Variants in PDIA6 observed in about 807,000 individuals in gnomAD.
The protein encoded by PDIA6 is protein disulfide isomerase family A member 6, also known as protein disulfide-isomerase A6.
PDIA6 carries 29 observed loss-of-function variants against 58.4 expected under a neutral mutation model. The ratio of observed to expected loss-of-function variants is 0.50; its 90% CI spans 0.37 to 0.68. The LOEUF (loss-of-function observed/expected upper bound fraction) is 0.68, where lower values mean the gene tolerates loss of function less well. Among genes scored for constraint, PDIA6 ranks in the 30% least tolerant of loss-of-function variants. PDIA6 has a pLI of 0.00. For missense variants in PDIA6, 480 were observed against 551.0 expected (o/e 0.87, Z 1.29); for synonymous variants, 192 against 202.6 (o/e 0.95, Z 0.44).
At chr2:10,784,566 C>T (rs1054767171) in intron 12 of PDIA6, 2 of 523,376 alleles carry the variant, frequency 3.8e-6, no homozygotes, top group Admixed American at 3.7e-5. Flanking sequence ...GCCACTTGAA[C>T]GTGTCCTTTT....
intron 1 of PDIA6, among the ~76,000 whole-genome samples, chr2:10,806,254 G>T (rs1283165634): frequency 6.6e-6 from 1 of 150,826 alleles, no homozygotes; most frequent in Non-Finnish European, 1.5e-5. Context: ...TATAGTCCTA[G>T]CTACTCGAGA....
intron 10 of PDIA6, 108 bp downstream of exon 10, chr2:10,788,589 G>T: frequency 1.3e-6 from 1 of 764,230 alleles, no homozygotes; most frequent in Non-Finnish European, 2.3e-6. Flanking sequence ...AAAACATATA[G>T]CAGAGCAAAC....
intron 1 of PDIA6, among the ~76,000 whole-genome samples, chr2:10,826,504 C>T (rs867400852): frequency 6.6e-5 from 10 of 152,166 alleles, no homozygotes; most frequent in South Asian, 2.1e-4. Flanking sequence ...GAATTACAGG[C>T]GCCTGCCACC....
intron 1 of PDIA6, chr2:10,820,895 A>G: frequency 1.4e-6 from 1 of 702,650 alleles, no homozygotes. Flanking sequence ...CTCCTCTGGA[A>G]GCTGTGCTCT....
At chr2:10,831,751 A>G (rs1667716040) in intron 1 of PDIA6, among the ~76,000 whole-genome samples, 1 of 152,146 alleles carries the variant, frequency 6.6e-6, no homozygotes, top group African/African-American at 2.4e-5. Flanking sequence ...AGGGCCTGAC[A>G]GGATGCAGTT....
chr2:10,785,068 C>A (rs1665652920), intron 11 of PDIA6, 38 bp from the exon 12 acceptor site: 1 of 1,311,298 alleles, frequency 7.6e-7, no homozygotes, highest in Non-Finnish European at 1.1e-6. Flanking sequence ...CACACATTTA[C>A]AATGGACTGC....
chr2:10,829,998 C>T (rs17365477), intron 1 of PDIA6, among the ~76,000 whole-genome samples: 68,352 of 152,120 alleles, frequency 0.45, 15,732 homozygotes, highest in Non-Finnish European at 0.52. Flanking sequence ...ACTTTGCTCT[C>T]TGGCTGTCTC....
upstream of PDIA6, among the ~76,000 whole-genome samples, chr2:10,833,424 T>TC (rs1667756510): frequency 6.6e-6 from 1 of 152,138 alleles, no homozygotes; most frequent in East Asian, 1.9e-4. Context: ...GCTTGGTGTG[T>TC]CCCCACCCCC....
chr2:10,806,630 G>GAAAGAAAGA, intron 1 of PDIA6, among the ~76,000 whole-genome samples: 1 of 95,944 alleles, frequency 1.0e-5, no homozygotes, highest in Non-Finnish European at 2.6e-5. Flanking sequence ...AATAAAGACA[G>GAAAGAAAGA]AAAGAAAGAA....
At chr2:10,791,653 G>T in intron 6 of PDIA6, 142 bp downstream of exon 6, 2 of 724,074 alleles carry the variant, frequency 2.8e-6, no homozygotes, top group Non-Finnish European at 2.2e-6. Flanking sequence ...TAATGTCAAT[G>T]TTTAATATTC....
At chr2:10,820,783 C>G (rs543911081) in intron 1 of PDIA6, 1 of 702,994 alleles carries the variant, frequency 1.4e-6, no homozygotes, top group East Asian at 2.7e-5. Context: ...GGCTGGAAGT[C>G]GGAGCTGATG....
At chr2:10,800,218 C>T (rs185630295) in intron 2 of PDIA6, among the ~76,000 whole-genome samples, 3 of 152,294 alleles carry the variant, frequency 2.0e-5, no homozygotes, top group South Asian at 2.1e-4. Context: ...ATCTTGGTAC[C>T]GGTTTAGCAT....
At chr2:10,798,072 G>A (rs1446166251) in intron 2 of PDIA6, among the ~76,000 whole-genome samples, 3 of 152,098 alleles carry the variant, frequency 2.0e-5, no homozygotes, top group South Asian at 4.1e-4. Flanking sequence ...TGTAATCCTA[G>A]CTACTGGGGA....
rs939295185 is a variant in PDIA6 at position 10,791,765 on chromosome 2, T to A, written c.584+30A>T. On this transcript the variant is annotated intron_variant, in intron 6 of 12. Transcript: ENST00000272227. ...ATGAATGTACTGAAAACACTGTGAA[T>A]GAACAGACTACTTAGTAGAAGGCAC... 3.1e-6 allele frequency: 5 copies of A among 1,602,118 alleles called. No homozygotes were observed. In the African/African-American group the frequency reaches 5.4e-5, roughly 17 times the overall value.
chr2:10,828,457 G>A (rs2148581948), intron 1 of PDIA6, among the ~76,000 whole-genome samples: 1 of 152,338 alleles, frequency 6.6e-6, no homozygotes, highest in East Asian at 1.9e-4. Flanking sequence ...CCAGTAGGGT[G>A]TGTGCCCCCT....
chr2:10,826,668 C>T (rs932062575), intron 1 of PDIA6, among the ~76,000 whole-genome samples: 23 of 152,058 alleles, frequency 1.5e-4, no homozygotes, highest in African/African-American at 4.3e-4. Context: ...TCGAATTATA[C>T]GCTTTAATTG....
At chr2:10,818,716 G>T (rs938701648) in intron 2 of PDIA6, among the ~76,000 whole-genome samples, 2 of 150,210 alleles carry the variant, frequency 1.3e-5, no homozygotes, top group African/African-American at 2.5e-5. Flanking sequence ...AGAGATAGGG[G>T]TTTGCCATGT....
At chr2:10,801,287 G>A (rs62129022) in intron 2 of PDIA6, among the ~76,000 whole-genome samples, 5 of 151,978 alleles carry the variant, frequency 3.3e-5, no homozygotes, top group Admixed American at 2.6e-4. Flanking sequence ...CAAAAAAAGC[G>A]CTTGCTCTAA....
chr2:10,825,502 C>A (rs764517997), intron 1 of PDIA6, among the ~76,000 whole-genome samples: 1 of 152,146 alleles, frequency 6.6e-6, no homozygotes, highest in Non-Finnish European at 1.5e-5. Flanking sequence ...CAAATTAAAA[C>A]CTTTTGTGCT....
Sources: gnomAD v4.1 joint callset for allele counts (sites outside exome capture counted in the v4.1 genomes callset) on GRCh38, gnomAD v4.1.1 for gene constraint, MANE v1.5 for transcripts, NCBI Gene and HGNC (gene_info 2026-07-23, HGNC 2026-07-21) for gene names.